The following STXBP5L variants were observed in gnomAD, a reference collection of about 807,000 sequenced individuals.
STXBP5L encodes the protein syntaxin binding protein 5L, also known as syntaxin-binding protein 5-like.
In STXBP5L, 65 loss-of-function variants were observed where a neutral mutation model predicts 144.5. The ratio of observed to expected loss-of-function variants is 0.45; its 90% confidence interval spans 0.37 to 0.55. The LOEUF is 0.55. STXBP5L is among the 20% of genes least tolerant of loss of function. The pLI, the probability that STXBP5L is intolerant of heterozygous loss-of-function variation, is 0.00. For missense variants in STXBP5L, 1,298 were observed against 1,405.5 expected, an observed-to-expected ratio of 0.92 and a Z score of 1.22; for synonymous variants, 505 against 469.6, an observed-to-expected ratio of 1.08 and a Z score of -0.97.
At chr3:121,321,403 ATAAT>A (rs376908727) in intron 20 of STXBP5L, among the ~76,000 whole-genome samples, 223 of 152,360 alleles carry the variant, frequency 1.5e-3, no homozygotes, top group Middle Eastern at 6.8e-3. Context: ...AAAGAGAATG[ATAAT>A]TAATTGTGCT....
chr3:121,017,929 A>T (rs920698741), intron 3 of STXBP5L, among the ~76,000 whole-genome samples: 1 of 152,086 alleles, frequency 6.6e-6, no homozygotes, highest in Non-Finnish European at 1.5e-5. Flanking sequence ...AAACCAAAAA[A>T]ATAGCCATGT....
intron 20 of STXBP5L, among the ~76,000 whole-genome samples, chr3:121,350,417 G>A (rs957231410): frequency 6.6e-6 from 1 of 152,108 alleles, no homozygotes; most frequent in African/African-American, 2.4e-5. Flanking sequence ...CAACTTTGGT[G>A]AATCTGACAA....
chr3:121,082,447 T>C (rs1261628934), intron 5 of STXBP5L, among the ~76,000 whole-genome samples: 1 of 152,356 alleles, frequency 6.6e-6, no homozygotes, highest in South Asian at 2.1e-4. Flanking sequence ...CTTTGTGTCC[T>C]GCAACTTTGC....
At chr3:121,388,838 T>A (rs1453102909) in intron 22 of STXBP5L, among the ~76,000 whole-genome samples, 1 of 152,252 alleles carries the variant, frequency 6.6e-6, no homozygotes, top group Non-Finnish European at 1.5e-5. Flanking sequence ...TCACAGATAT[T>A]GCTCTAAAAT....
intron 3 of STXBP5L, among the ~76,000 whole-genome samples, chr3:120,968,793 T>C (rs915623898): frequency 6.6e-6 from 1 of 151,722 alleles, no homozygotes; most frequent in Non-Finnish European, 1.5e-5. Context: ...ACTTAAAACA[T>C]ATGATATTTG....
chr3:121,310,111 C>T (rs762408392), intron 19 of STXBP5L, among the ~76,000 whole-genome samples: 26 of 152,216 alleles, frequency 1.7e-4, no homozygotes, highest in Non-Finnish European at 3.1e-4. Context: ...AACAACTGGG[C>T]AAACAAATAG....
chr3:121,254,064 C>T (rs1270783767), intron 15 of STXBP5L, among the ~76,000 whole-genome samples: 1 of 152,088 alleles, frequency 6.6e-6, no homozygotes, highest in East Asian at 1.9e-4. Context: ...CATTTCATGA[C>T]ACTGACATTT....
chr3:121,384,753 A>T (rs2108688196), intron 22 of STXBP5L, among the ~76,000 whole-genome samples: 1 of 152,208 alleles, frequency 6.6e-6, no homozygotes, highest in Admixed American at 6.5e-5. Context: ...ATTAAATTTT[A>T]AATTTTATAA....
intron 5 of STXBP5L, among the ~76,000 whole-genome samples, chr3:121,104,086 A>G (rs1021630938): frequency 1.8e-4 from 27 of 152,196 alleles, no homozygotes; most frequent in African/African-American, 6.3e-4. Flanking sequence ...ACAATAGTAA[A>G]TCTTCTATAT....
chr3:120,976,612 T>A (rs983139697), intron 3 of STXBP5L, among the ~76,000 whole-genome samples: 1 of 151,978 alleles, frequency 6.6e-6, no homozygotes. Context: ...GCTCTTGCTT[T>A]TCTAGTTCTT....
intron 20 of STXBP5L, among the ~76,000 whole-genome samples, chr3:121,358,248 A>AC (rs1426451599): frequency 6.8e-6 from 1 of 147,934 alleles, no homozygotes; most frequent in Non-Finnish European, 1.5e-5. Context: ...CATCCGCAAC[A>AC]CCTCCCTAAC....
chr3:121,223,001 A>G lies in STXBP5L; in HGVS notation c.957-2A>G. The G allele has an allele frequency of 6.3e-7, 1 of 1,596,486 alleles. No homozygotes were observed. The highest frequency in any genetic ancestry group is 8.5e-7 in the Non-Finnish European group (1 of 1,174,318). ...GTCTCATTCATGTTTTTTCCTATGT[A>G]GCGAACCATTCATAATATTCTCTGG... On this transcript the variant is annotated splice_acceptor_variant, in intron 10 of 26. Coordinates refer to ENST00000471454, the MANE Select transcript of STXBP5L (RefSeq NM_001308330.2). LOFTEE classifies it high-confidence loss of function.
intron 3 of STXBP5L, among the ~76,000 whole-genome samples, chr3:120,991,905 TAC>T (rs1942922457): frequency 6.6e-6 from 1 of 152,208 alleles, no homozygotes; most frequent in South Asian, 2.1e-4. Flanking sequence ...GGCACATGTA[TAC>T]ATATGTAACT....
intron 5 of STXBP5L, among the ~76,000 whole-genome samples, chr3:121,055,322 G>T (rs1219528967): frequency 6.6e-6 from 1 of 151,972 alleles, no homozygotes; most frequent in Non-Finnish European, 1.5e-5. Context: ...TCTGATATTA[G>T]CCGTTTAATT....
chr3:121,416,471 TTTTATTTA>T (rs140767929), intron 25 of STXBP5L, among the ~76,000 whole-genome samples: 64,287 of 137,528 alleles, frequency 0.47, 16,027 homozygotes, highest in East Asian at 0.73. Context: ...ACTGGTAGAT[TTTTATTTA>T]TTTATTTATT....
intron 7 of STXBP5L, among the ~76,000 whole-genome samples, chr3:121,128,097 A>G (rs1188193938): frequency 6.6e-6 from 1 of 152,144 alleles, no homozygotes; most frequent in Admixed American, 6.6e-5. Context: ...TGAGGATATG[A>G]CTAATACTGC....
chr3:121,120,213 C>G (rs185723132), intron 6 of STXBP5L, among the ~76,000 whole-genome samples: 3 of 151,068 alleles, frequency 2.0e-5, no homozygotes, highest in African/African-American at 4.8e-5. Flanking sequence ...AACCAAGAGA[C>G]GGAGAGGCTA....
intron 16 of STXBP5L, among the ~76,000 whole-genome samples, chr3:121,256,953 TC>T (rs2050225333): frequency 6.6e-6 from 1 of 152,020 alleles, no homozygotes; most frequent in South Asian, 2.1e-4. Flanking sequence ...CATTGAATAT[TC>T]CATATAATTA....
At chr3:121,215,890 T>G (rs763650952) in intron 10 of STXBP5L, among the ~76,000 whole-genome samples, 2 of 152,196 alleles carry the variant, frequency 1.3e-5, no homozygotes, top group Non-Finnish European at 2.9e-5. Context: ...TCTTGGAGGC[T>G]TTGTTCATTC....
Sources: gnomAD v4.1 joint callset for allele counts (sites outside exome capture counted in the v4.1 genomes callset) on GRCh38, gnomAD v4.1.1 for gene constraint, MANE v1.5 for transcripts, NCBI Gene and HGNC (gene_info 2026-07-23, HGNC 2026-07-21) for gene names.